The following HNRNPM variants were observed in gnomAD, a reference collection of about 807,000 sequenced individuals.
HNRNPM encodes the protein CEA receptor.
A neutral mutation model predicts 73.1 loss-of-function variants in HNRNPM; 11 were observed. That is an observed-to-expected ratio of 0.15 (90% CI 0.09 to 0.25). HNRNPM has a LOEUF of 0.25. Ranked by LOEUF, HNRNPM falls within the 10% of genes least tolerant of loss-of-function variation. The probability of loss-of-function intolerance (pLI) is 1.00; values close to 1 mark genes in which losing one functional copy is unlikely to be tolerated. For synonymous variants in HNRNPM, 407 were observed against 355.2 expected, an observed-to-expected ratio of 1.15 and a Z score of -1.64; for missense variants, 789 against 1,067.9, an observed-to-expected ratio of 0.74 and a Z score of 3.64.
chr19:8,462,596 G>C lies in HNRNPM; in HGVS notation c.336+15G>C, dbSNP rs376775545. On this transcript the variant is annotated intron_variant, in intron 3 of 15. Transcript: ENST00000325495. The surrounding 1 kb of genome is among the most constrained non-coding windows in gnomAD (Gnocchi z 4.5). ...GAAAGTCAAGGGTAAGTGTCTGAGA[G>C]AATTTCTTCTGTGGATTTACTACAT... The C allele has an allele frequency of 1.2e-6, 2 of 1,603,864 alleles. No homozygotes were observed. The highest frequency in any genetic ancestry group is 1.7e-6 in the Non-Finnish European group (2 of 1,170,568).
chr19:8,474,714 CTTTT>C (rs59543782), intron 12 of HNRNPM, among the ~76,000 whole-genome samples: 7 of 117,830 alleles, frequency 5.9e-5, no homozygotes, highest in Non-Finnish European at 7.7e-5. Flanking sequence ...CCTCCACCAA[CTTTT>C]TTTTTTTTTT....
Position 8,445,041 on chromosome 19 carries a change from G to A in HNRNPM, c.43G>A (p.Glu15Lys), listed in dbSNP as rs1275440112. ...AGCGGCGGCGGAGGTGGCGGCGACG[G>A]AGATCAAAATGGAGGAAGAGAGCGG... Reference protein sequence around the residue: ...VEAAAEVAATEIKMEEESGAP... With the variant: ...VEAAAEVAATKIKMEEESGAP... Residue 15 changes from glutamate (E) to lysine (K), a missense_variant, in exon 1 of 16, where the codon GAG becomes AAG. Glu to Lys is a moderately conservative substitution (Grantham distance 56, BLOSUM62 1). Transcript: ENST00000325495. 2 of 1,430,818 alleles carry A rather than the reference G, an allele frequency of 1.4e-6. No homozygotes were observed. Among genetic ancestry groups the A allele is most frequent in the East Asian group, 2.8e-5 (1 of 35,288 alleles). The allele number at this position is 1,430,818 out of a possible 1,614,324, so 88.6% of individuals were successfully genotyped here. A position where few individuals can be genotyped will look rare whatever the true frequency, so the allele number is the denominator to read the frequency against.
At chr19:8,483,968 A>T (rs533458802) in intron 13 of HNRNPM, among the ~76,000 whole-genome samples, 1 of 151,712 alleles carries the variant, frequency 6.6e-6, no homozygotes, top group South Asian at 2.1e-4. Flanking sequence ...GCATTTTGAC[A>T]TGTTACCCAG....
intron 13 of HNRNPM, 87 bp downstream of exon 13, chr19:8,483,298 G>A (rs1971048398): frequency 9.9e-7 from 1 of 1,011,418 alleles, no homozygotes. Context: ...AGAAGTGCGG[G>A]TTCTGACACA....
chr19:8,450,724 A>T (rs919118159), intron 1 of HNRNPM, among the ~76,000 whole-genome samples: 2 of 45,878 alleles, frequency 4.4e-5, no homozygotes, highest in African/African-American at 6.6e-5. Flanking sequence ...TATTATTATT[A>T]TTATTTTTTT....
intron 12 of HNRNPM, among the ~76,000 whole-genome samples, chr19:8,479,245 A>C (rs1052946859): frequency 6.0e-5 from 9 of 151,008 alleles, no homozygotes; most frequent in African/African-American, 1.9e-4. Context: ...CACCCAGCTA[A>C]TTTTCTTGTA....
rs1970311045 is a variant in HNRNPM at position 8,473,651 on chromosome 19, T to G, written c.998-13T>G. The G allele has an allele frequency of 1.3e-6, 2 of 1,541,186 alleles. No individual in the cohort carries two copies. The highest frequency in any genetic ancestry group is 1.8e-6 in the Non-Finnish European group (2 of 1,118,178). On this transcript the variant is annotated splice_polypyrimidine_tract_variant and intron_variant, in intron 10 of 15. Transcript: ENST00000325495. ...GACATAATTTTAGTTTGCATTGACT[T>G]TTTCTTTTTAAGGAATGGGAATGGA... is the stretch of plus-strand genomic sequence containing the variant.
At chr19:8,482,082 C>T (rs1301828497) in intron 12 of HNRNPM, among the ~76,000 whole-genome samples, 1 of 151,800 alleles carries the variant, frequency 6.6e-6, no homozygotes, top group African/African-American at 2.4e-5. Flanking sequence ...AAGCGATTCT[C>T]CCGCCTCAGC....
chr19:8,488,428 C>A, intron 15 of HNRNPM: 2 of 395,024 alleles, frequency 5.1e-6, no homozygotes, highest in Non-Finnish European at 9.2e-6. Flanking sequence ...ATAAAGCTGG[C>A]TTTACACTGC....
At chr19:8,479,063 CT>C (rs1182276028) in intron 12 of HNRNPM, among the ~76,000 whole-genome samples, 2 of 112,134 alleles carry the variant, frequency 1.8e-5, no homozygotes, top group African/African-American at 6.6e-5. Flanking sequence ...ATTTCCTCCT[CT>C]TTTTTCTTTC....
intron 10 of HNRNPM, among the ~76,000 whole-genome samples, 181 bp from the exon 11 acceptor site, chr19:8,473,483 G>GA (rs1970297955): frequency 6.6e-6 from 1 of 151,794 alleles, no homozygotes; most frequent in African/African-American, 2.4e-5. Flanking sequence ...ATAGCTATAT[G>GA]ATATTTGACA....
intron 10 of HNRNPM, among the ~76,000 whole-genome samples, chr19:8,472,967 C>G (rs185033422): frequency 6.6e-6 from 1 of 152,280 alleles, no homozygotes; most frequent in East Asian, 1.9e-4. Context: ...TCTTATAATT[C>G]TATTTCATGT....
intron 1 of HNRNPM, among the ~76,000 whole-genome samples, chr19:8,448,546 C>T (rs2081196): frequency 0.025 from 3,707 of 148,818 alleles, 66 homozygotes; most frequent in Middle Eastern, 0.059. Flanking sequence ...TCTCAGCTCA[C>T]TGCAAGCTCC....
chr19:8,463,112 C>A (rs539366072), intron 3 of HNRNPM, among the ~76,000 whole-genome samples: 2 of 152,226 alleles, frequency 1.3e-5, no homozygotes, highest in African/African-American at 4.8e-5. Flanking sequence ...TTAGAATAAT[C>A]AAAAGGATGA....
At chr19:8,463,404 A>G in intron 3 of HNRNPM, 93 bp from the exon 4 acceptor site, 1 of 1,327,796 alleles carries the variant, frequency 7.5e-7, no homozygotes, top group Non-Finnish European at 1.1e-6. Context: ...TCATATTTTT[A>G]GTTTGTTTAT....
At position 8,465,455 on chromosome 19, in the gene HNRNPM, A is replaced by C. The variant is rs747923427; in HGVS notation, c.570A>C (p.Pro190=). Residue 190 remains proline (P), a synonymous_variant, in exon 6 of 16, where the codon CCA becomes CCC. Transcript: ENST00000325495. Reference sequence around the variant, plus strand: ...GTATCCTAAATAATCCCAACATCCCAAATGAGATTATCCATGCATTACAGG... The same window carrying C: ...GTATCCTAAATAATCCCAACATCCCCAATGAGATTATCCATGCATTACAGG... The part of the protein sequence containing the change: ...PPSILNNPNI[P]NEIIHALQAG... 6.2e-7 allele frequency: 1 copy of C among 1,613,772 alleles called. No homozygotes were observed. Among genetic ancestry groups the C allele is most frequent in the Non-Finnish European group, 8.5e-7 (1 of 1,179,740 alleles).
chr19:8,481,943 TTTG>T (rs141166995), intron 12 of HNRNPM, among the ~76,000 whole-genome samples: 5,783 of 149,948 alleles, frequency 0.039, 250 homozygotes, highest in African/African-American at 0.1. Context: ...TGCAGGTGCT[TTTG>T]TTGTTGTTGT....
chr19:8,479,772 AT>A (rs869126042), intron 12 of HNRNPM, among the ~76,000 whole-genome samples: 14 of 41,634 alleles, frequency 3.4e-4, no homozygotes, highest in East Asian at 2.0e-3. Context: ...AAAAAAAAAA[AT>A]TTTTTTTTTT....
At chr19:8,480,906 C>G (rs1970871863) in intron 12 of HNRNPM, among the ~76,000 whole-genome samples, 1 of 152,162 alleles carries the variant, frequency 6.6e-6, no homozygotes, top group Non-Finnish European at 1.5e-5. Context: ...CACCTTCTTT[C>G]TGATTGGGAC....
Sources: gnomAD v4.1 joint callset for allele counts (sites outside exome capture counted in the v4.1 genomes callset) on GRCh38, gnomAD v4.1.1 for gene constraint, Gnocchi (gnomAD v3.1) non-coding constraint, MANE v1.5 for transcripts, NCBI Gene and HGNC (gene_info 2026-07-23, HGNC 2026-07-21) for gene names.